The following COL5A1 variants were observed in gnomAD, a reference collection of about 807,000 sequenced individuals.
COL5A1 encodes collagen type V alpha 1 chain, also known as collagen alpha-1(V) chain.
COL5A1 carries 16 observed loss-of-function variants against 263.7 expected under a neutral mutation model. The observed-to-expected ratio is 0.06, with a 90% CI of 0.04 to 0.09. The LOEUF (loss-of-function observed/expected upper bound fraction) is 0.09, where lower values mean the gene tolerates loss of function less well. COL5A1 is among the 10% of genes least tolerant of loss of function. The probability of loss-of-function intolerance (pLI) is 1.00; values close to 1 mark genes in which losing one functional copy is unlikely to be tolerated. For synonymous variants in COL5A1, 1,012 were observed against 1,004.5 expected, an observed-to-expected ratio of 1.01 and a Z score of -0.14; for missense variants, 2,036 against 2,540.5, an observed-to-expected ratio of 0.80 and a Z score of 4.27.
In COL5A1 at chr9:134,742,005, G is replaced by T. The variant is rs1200047830; in HGVS notation, c.1494+3197G>T. Among the ~76,000 whole-genome samples, 2 of 152,122 alleles carry T rather than the reference G, an allele frequency of 1.3e-5. No homozygotes were observed. Among genetic ancestry groups the T allele is most frequent in the African/African-American group, 2.4e-5 (1 of 41,450 alleles). On this transcript the variant is annotated intron_variant, in intron 11 of 65. Transcript: ENST00000371817. This position sits in a 1 kb window ranked among gnomAD's most constrained non-coding sequence, Gnocchi z 4.6. ...CTGTGGGCAGCCGTGGGCAGCCGTGGCAATTGGCTGGGAGCCGTCTGTGCA... is the reference window on the plus strand; with the variant it reads ...CTGTGGGCAGCCGTGGGCAGCCGTGTCAATTGGCTGGGAGCCGTCTGTGCA...
chr9:134,765,232 A>G lies in COL5A1; in HGVS notation c.2035-449A>G, dbSNP rs543528448. ...GGTGCTCTCCTGCCCGCACCCTCTG[A>G]CCCTGTGATATCATAAAAACAATCG... On this transcript the variant is annotated intron_variant, in intron 20 of 65. Transcript: ENST00000371817. The surrounding 1 kb of genome is among the most constrained non-coding windows in gnomAD (Gnocchi z 5.1). 6.6e-6 allele frequency among the ~76,000 whole-genome samples: 1 copy of G among 152,184 alleles called. No individual in the cohort carries two copies. The highest frequency in any genetic ancestry group is 2.4e-5 in the African/African-American group (1 of 41,518).
intron 37 of COL5A1, among the ~76,000 whole-genome samples, chr9:134,801,002 T>C (rs1838093366): frequency 6.6e-6 from 1 of 152,208 alleles, no homozygotes; most frequent in Non-Finnish European, 1.5e-5. Flanking sequence ...TGCAGATGGC[T>C]TCTCGCTGGC....
rs901306690 is a variant in COL5A1, at chr9:134,770,713, C to A, written c.2287-2077C>A. ...CGTTACTTTTTTAATCAGAAAATATCAAATACAAATAATGTAAGCTTTATT... is the reference window on the plus strand; with the variant it reads ...CGTTACTTTTTTAATCAGAAAATATAAAATACAAATAATGTAAGCTTTATT... On this transcript the variant is annotated intron_variant, in intron 25 of 65. Coordinates refer to ENST00000371817, the MANE Select transcript of COL5A1 (RefSeq NM_000093.5). Among the ~76,000 whole-genome samples, 6 of 152,144 alleles carry A rather than the reference C, an allele frequency of 3.9e-5. No individual in the cohort carries two copies. The South Asian group carries it at 6.2e-4, about 16-fold the overall frequency.
Position 134,758,157 on chromosome 9 carries a change from G to A in COL5A1, c.1882-86G>A. 1.4e-6 allele frequency: 2 copies of A among 1,382,990 alleles called. No homozygotes were observed. Among genetic ancestry groups the A allele is most frequent in the Non-Finnish European group, 2.1e-6 (2 of 971,492 alleles). 85.7% of individuals were successfully genotyped at this position (1,382,990 alleles called of 1,614,324 possible). On this transcript the variant is annotated intron_variant, in intron 17 of 65. Coordinates refer to ENST00000371817, the MANE Select transcript of COL5A1 (RefSeq NM_000093.5). The surrounding 1 kb of genome is among the most constrained non-coding windows in gnomAD (Gnocchi z 4.1). ...GCTGTGTGAAACGTGGTCCAAGGCG[G>A]GGCGGCCATCACTTGGTGGACACCA... is the stretch of plus-strand genomic sequence containing the variant.
intron 1 of COL5A1, among the ~76,000 whole-genome samples, chr9:134,688,352 A>C (rs970039698): frequency 7.2e-5 from 11 of 152,088 alleles, no homozygotes; most frequent in African/African-American, 2.7e-4. Flanking sequence ...CAGTGCTGGA[A>C]TTGAGTCTTA....
chr9:134,752,431 G>T (rs887541635), intron 13 of COL5A1, among the ~76,000 whole-genome samples, 158 bp from the exon 14 acceptor site: 1 of 137,716 alleles, frequency 7.3e-6, no homozygotes, highest in Admixed American at 7.2e-5. Flanking sequence ...GGGGGGGGGG[G>T]CCCTTGGGGA....
Position 134,815,611 on chromosome 9 carries a change from C to A in COL5A1, c.4050C>A (p.Pro1350=), listed in dbSNP as rs773853291. 12 of 1,613,684 alleles carry A rather than the reference C, an allele frequency of 7.4e-6. No individual in the cohort carries two copies. Among genetic ancestry groups the A allele is most frequent in the Non-Finnish European group, 1.0e-5 (12 of 1,179,954 alleles). Residue 1350 remains proline (P), a synonymous_variant, in exon 51 of 66, where the codon CCC becomes CCA. Coordinates refer to ENST00000371817, the MANE Select transcript of COL5A1 (RefSeq NM_000093.5). ...GTTTTCCTGGAGATCCTGGCCCCCCCGGAGAGCCTGGCCCCGCGGTAGGTG... is the reference window on the plus strand; with the variant it reads ...GTTTTCCTGGAGATCCTGGCCCCCCAGGAGAGCCTGGCCCCGCGGTAGGTG... ...PVGFPGDPGP[P]GEPGPAGQDG...
chr9:134,814,148 A>C, intron 49 of COL5A1, 112 bp downstream of exon 49: 1 of 1,060,496 alleles, frequency 9.4e-7, no homozygotes, highest in South Asian at 1.5e-5. Flanking sequence ...ACGAAATGGG[A>C]GTTGTAACCC....
intron 29 of COL5A1, among the ~76,000 whole-genome samples, chr9:134,783,926 A>G (rs1219064213): frequency 6.6e-6 from 1 of 152,186 alleles, no homozygotes; most frequent in Non-Finnish European, 1.5e-5. Flanking sequence ...GCCTCTGTTC[A>G]CACATGTGGC....
chr9:134,753,974 G>T, intron 15 of COL5A1, 71 bp downstream of exon 15: 1 of 1,328,114 alleles, frequency 7.5e-7, no homozygotes, highest in Admixed American at 1.7e-5. Context: ...CGGCGAGCAT[G>T]GAGGGACCCC....
intron 27 of COL5A1, among the ~76,000 whole-genome samples, chr9:134,775,865 G>A (rs1157855017): frequency 6.6e-6 from 1 of 152,178 alleles, no homozygotes; most frequent in East Asian, 1.9e-4. Context: ...AAACATTGTT[G>A]CACATCAGAA....
At chr9:134,710,935 AGTGGTGGGGGAGGGGCCCCG>A (rs1834019749) in intron 4 of COL5A1, among the ~76,000 whole-genome samples, 3 of 90,312 alleles carry the variant, frequency 3.3e-5, no homozygotes, top group Non-Finnish European at 6.4e-5. Context: ...TGTTGGGTGC[AGTGGTGGGGGAGGGGCCCCG>A]TCTGTTGGGT....
intron 11 of COL5A1, among the ~76,000 whole-genome samples, chr9:134,748,291 A>G (rs1388659116): frequency 6.6e-6 from 1 of 151,978 alleles, no homozygotes; most frequent in Non-Finnish European, 1.5e-5. Flanking sequence ...ATATATGCAC[A>G]TGCACACACA....
At chr9:134,806,343 G>C in intron 42 of COL5A1, 47 bp downstream of exon 42, 1 of 1,375,392 alleles carries the variant, frequency 7.3e-7, no homozygotes, top group Non-Finnish European at 1.0e-6. Context: ...AGAGATGCTG[G>C]GGTCGTTCCG....
intron 4 of COL5A1, among the ~76,000 whole-genome samples, chr9:134,715,863 G>A (rs1588465357): frequency 1.3e-5 from 2 of 152,266 alleles, no homozygotes; most frequent in Non-Finnish European, 2.9e-5. Flanking sequence ...CATAGACACA[G>A]CAACAGTCTG....
At position 134,661,141 on chromosome 9, in the gene COL5A1, C is replaced by T. The variant is rs534078966; in HGVS notation, c.109+18845C>T. The stretch of plus-strand genomic sequence containing the variant: ...AAAGAGGCTGGGTGGGAGAGGAAGC[C>T]GAGAGTTGCCTAGGGTGGCCTGGGG... On this transcript the variant is annotated intron_variant, in intron 1 of 65. Coordinates refer to ENST00000371817, the MANE Select transcript of COL5A1 (RefSeq NM_000093.5). Among the ~76,000 whole-genome samples, 64 of 150,618 alleles carry T rather than the reference C, an allele frequency of 4.2e-4. 1 individual carries two copies. Among genetic ancestry groups the T allele is most frequent in the Non-Finnish European group, 7.4e-4 (50 of 67,664 alleles).
In COL5A1 at chr9:134,794,331, A is replaced by AAAAAAAGAAAC. The variant is rs1837819937; in HGVS notation, c.2701-739_2701-729dup. On this transcript the variant is annotated intron_variant, in intron 32 of 65. Transcript: ENST00000371817. This position sits in a 1 kb window ranked among gnomAD's most constrained non-coding sequence, Gnocchi z 4.3. Reference sequence around the variant, plus strand: ...AGAGCAAGACTCTGTCTAAAAAAAAAAAAAAAGAAACAAAAAAGAAACCAG... The same window carrying AAAAAAAGAAAC: ...AGAGCAAGACTCTGTCTAAAAAAAAAAAAAAAGAAACAAAAAAGAAACAAAAAAGAAACCAG... 6.6e-6 allele frequency among the ~76,000 whole-genome samples: 1 copy of AAAAAAAGAAAC among 151,972 alleles called. No individual in the cohort carries two copies. The highest frequency in any genetic ancestry group is 1.5e-5 in the Non-Finnish European group (1 of 67,968).
chr9:134,731,395 C>A, intron 7 of COL5A1, 101 bp from the exon 8 acceptor site: 1 of 1,204,302 alleles, frequency 8.3e-7, no homozygotes, highest in Non-Finnish European at 1.2e-6. Context: ...GGGATCTCTG[C>A]CCAGTTGACC....
intron 1 of COL5A1, among the ~76,000 whole-genome samples, chr9:134,690,619 G>A (rs1009616885): frequency 7.2e-5 from 11 of 152,156 alleles, no homozygotes; most frequent in Non-Finnish European, 1.3e-4. Flanking sequence ...GGGCTAGCCC[G>A]GGTCTGCCCC....
Sources: gnomAD v4.1 joint callset for allele counts (sites outside exome capture counted in the v4.1 genomes callset) on GRCh38, gnomAD v4.1.1 for gene constraint, Gnocchi (gnomAD v3.1) non-coding constraint, MANE v1.5 for transcripts, NCBI Gene and HGNC (gene_info 2026-07-23, HGNC 2026-07-21) for gene names.